MRTFA: variants seen among roughly 807,000 people sequenced by gnomAD.
MRTFA encodes myocardin related transcription factor A.
Under a neutral mutation model 83.5 loss-of-function variants are expected in MRTFA, and 20 were observed. The observed-to-expected ratio is 0.24, with a 90% CI of 0.17 to 0.35. The LOEUF (loss-of-function observed/expected upper bound fraction) is 0.35, where lower values mean the gene tolerates loss of function less well. Ranked by LOEUF, MRTFA falls within the 10% of genes least tolerant of loss-of-function variation. The pLI is 1.00. For synonymous variants in MRTFA, 659 were observed against 541.2 expected, an observed-to-expected ratio of 1.22 and a Z score of -3.02; for missense variants, 1,200 against 1,224.7, an observed-to-expected ratio of 0.98 and a Z score of 0.30.
chr22:40,460,418 CT>C (rs2053689628), intron 4 of MRTFA, among the ~76,000 whole-genome samples: 1 of 152,332 alleles, frequency 6.6e-6, no homozygotes, highest in East Asian at 1.9e-4. Context: ...GCATTATGCT[CT>C]CAGAATTAGT....
At chr22:40,519,601 T>G (rs1193360867) in intron 3 of MRTFA, 1 of 1,326,264 alleles carries the variant, frequency 7.5e-7, no homozygotes, top group Non-Finnish European at 1.0e-6. Context: ...ATACCCAATT[T>G]GAGACATTTT....
intron 2 of MRTFA, among the ~76,000 whole-genome samples, chr22:40,593,598 CTT>C (rs1204835525): frequency 1.1e-4 from 16 of 152,196 alleles, no homozygotes; most frequent in African/African-American, 3.6e-4. Flanking sequence ...AGAAGTTTAA[CTT>C]TAATCTACCG....
rs768396546 is a variant in MRTFA at position 40,419,202 on chromosome 22, C to T, written c.1536G>A (p.Ala512=). The change falls in exon 12 of 15, where the codon GCG becomes GCA. Residue 512 remains alanine (A), a synonymous_variant. Coordinates refer to ENST00000355630, the MANE Select transcript of MRTFA (RefSeq NM_020831.6). The stretch of plus-strand genomic sequence containing the variant: ...GGGCTGGCCCCGTGCTCAGCCGGGC[C>T]GCTGGGAAGGCTACCACCACCTCGC... 75 of 1,594,582 alleles carry T rather than the reference C, an allele frequency of 4.7e-5. 1 individual carries two copies. The highest frequency in any genetic ancestry group is 3.3e-4 in the Middle Eastern group (2 of 6,058).
chr22:40,584,057 C>T (rs1051335452), intron 2 of MRTFA, among the ~76,000 whole-genome samples: 2 of 151,338 alleles, frequency 1.3e-5, no homozygotes, highest in African/African-American at 4.8e-5. Context: ...TCGAGTGTGA[C>T]AGATTAAAAT....
chr22:40,612,765 T>G (rs551676017), intron 1 of MRTFA, among the ~76,000 whole-genome samples: 1 of 152,014 alleles, frequency 6.6e-6, no homozygotes, highest in African/African-American at 2.4e-5. Context: ...CCGGACAACA[T>G]AGTAAGGCTC....
intron 2 of MRTFA, among the ~76,000 whole-genome samples, chr22:40,566,693 C>G (rs1023213855): frequency 6.6e-6 from 1 of 152,114 alleles, no homozygotes; most frequent in South Asian, 2.1e-4. Context: ...ATTAGCGGAG[C>G]ATGGTGGCGA....
intron 3 of MRTFA, among the ~76,000 whole-genome samples, chr22:40,510,287 A>G (rs188106020): frequency 6.6e-6 from 1 of 152,302 alleles, no homozygotes; most frequent in African/African-American, 2.4e-5. Context: ...TAAAATGTAC[A>G]TTAGGTGAGA....
Position 40,411,444 on chromosome 22 carries a change from G to A in MRTFA, c.3042C>T (p.Ser1014=). 1 of 1,592,782 alleles carries A rather than the reference G, an allele frequency of 6.3e-7. No homozygotes were observed. Among genetic ancestry groups the A allele is most frequent in the Non-Finnish European group, 8.6e-7 (1 of 1,163,836 alleles). The change falls in exon 15 of 15, where the codon TCC becomes TCT. Residue 1014 remains serine (S), a synonymous_variant. Coordinates refer to ENST00000355630, the MANE Select transcript of MRTFA (RefSeq NM_020831.6). Reference sequence around the variant, plus strand: ...AATCATGGCCATCGAGGAAGTCTGTGGAGAAGAGGCTGGGGGCTGTGGTGC... The same window carrying A: ...AATCATGGCCATCGAGGAAGTCTGTAGAGAAGAGGCTGGGGGCTGTGGTGC...
At chr22:40,583,906 T>C (rs980647515) in intron 2 of MRTFA, among the ~76,000 whole-genome samples, 18 of 152,284 alleles carry the variant, frequency 1.2e-4, no homozygotes, top group Admixed American at 7.2e-4. Flanking sequence ...CACAGAGCAG[T>C]TCACAGAAAG....
At chr22:40,569,630 A>C (rs988308944) in intron 2 of MRTFA, among the ~76,000 whole-genome samples, 8 of 151,888 alleles carry the variant, frequency 5.3e-5, no homozygotes, top group Non-Finnish European at 1.2e-4. Flanking sequence ...AGGCTGAAGC[A>C]CTTGAAACTG....
At chr22:40,512,012 G>T (rs2054676178) in intron 3 of MRTFA, among the ~76,000 whole-genome samples, 2 of 152,166 alleles carry the variant, frequency 1.3e-5, no homozygotes, top group Non-Finnish European at 2.9e-5. Context: ...AGAACGAGGA[G>T]GGAACATAGA....
At chr22:40,425,004 G>A (rs868599138) in intron 7 of MRTFA, among the ~76,000 whole-genome samples, 2 of 152,194 alleles carry the variant, frequency 1.3e-5, no homozygotes, top group South Asian at 2.1e-4. Flanking sequence ...AAATGGAGGT[G>A]GTGTGGTGAC....
intron 2 of MRTFA, among the ~76,000 whole-genome samples, chr22:40,565,676 T>C (rs2055692888): frequency 6.6e-6 from 1 of 152,208 alleles, no homozygotes; most frequent in Non-Finnish European, 1.5e-5. Flanking sequence ...CTTCGCTTTC[T>C]TGGGCCTACA....
chr22:40,629,385 G>C (rs1256021758), intron 1 of MRTFA, among the ~76,000 whole-genome samples: 1 of 151,704 alleles, frequency 6.6e-6, no homozygotes, highest in Non-Finnish European at 1.5e-5. Flanking sequence ...GACGGAGGTT[G>C]CAGTGAGCCA....
intron 3 of MRTFA, among the ~76,000 whole-genome samples, chr22:40,536,202 T>C (rs993456608): frequency 1.0e-4 from 15 of 145,960 alleles, no homozygotes; most frequent in Non-Finnish European, 1.8e-4. Flanking sequence ...ACTTGGGAGG[T>C]TGAGGCAGGA....
chr22:40,567,681 T>TA (rs897759609), intron 2 of MRTFA, among the ~76,000 whole-genome samples: 23 of 152,084 alleles, frequency 1.5e-4, no homozygotes, highest in Admixed American at 9.2e-4. Context: ...ATGAATAATA[T>TA]AAAAAAAACT....
intron 3 of MRTFA, among the ~76,000 whole-genome samples, chr22:40,521,611 G>C (rs1229243405): frequency 6.6e-6 from 1 of 152,060 alleles, no homozygotes; most frequent in African/African-American, 2.4e-5. Context: ...CAATTCTCCT[G>C]CCTCAGCTTC....
chr22:40,539,925 T>TC (rs1244224303), intron 3 of MRTFA, among the ~76,000 whole-genome samples: 4 of 147,516 alleles, frequency 2.7e-5, no homozygotes, highest in East Asian at 1.9e-4. Context: ...TTTTTTTTTT[T>TC]CCCAGACAGG....
intron 1 of MRTFA, among the ~76,000 whole-genome samples, chr22:40,618,617 T>C: frequency 6.6e-6 from 1 of 152,018 alleles, no homozygotes; most frequent in East Asian, 1.9e-4. Context: ...TATTAATAAC[T>C]GGAGAACAGA....
Sources: gnomAD v4.1 joint callset for allele counts (sites outside exome capture counted in the v4.1 genomes callset) on GRCh38, gnomAD v4.1.1 for gene constraint, MANE v1.5 for transcripts, NCBI Gene and HGNC (gene_info 2026-07-23, HGNC 2026-07-21) for gene names.